Variants in AMZ1 observed in about 807,000 individuals in gnomAD.
AMZ1 encodes the protein archaemetzincin-1.
A neutral mutation model predicts 29.9 loss-of-function variants in AMZ1; 39 were observed. The ratio of observed to expected loss-of-function variants is 1.30; its 90% CI spans 1.01 to 1.70. The LOEUF is 1.70. Among genes scored for constraint, AMZ1 ranks in the 40% most tolerant of loss-of-function variants. The probability of loss-of-function intolerance (pLI) is 0.00; values close to 1 mark genes in which losing one functional copy is unlikely to be tolerated. For synonymous variants in AMZ1, 458 were observed against 304.0 expected (o/e 1.51, Z -5.27); for missense variants, 1,041 against 680.6 (o/e 1.53, Z -5.89).
chr7:2,739,817 G>A (rs570829619), intron 4 of AMZ1, among the ~76,000 whole-genome samples: 60 of 152,222 alleles, frequency 3.9e-4, no homozygotes, highest in Admixed American at 7.2e-4. Context: ...GATTACAGGC[G>A]TGCGCCACCA....
chr7:2,690,590 C>G (rs1459861173), intron 1 of AMZ1, among the ~76,000 whole-genome samples: 3 of 152,124 alleles, frequency 2.0e-5, no homozygotes, highest in Non-Finnish European at 4.4e-5. Flanking sequence ...GGTGTTGTGT[C>G]TCTGGCTGGG....
intron 6 of AMZ1, among the ~76,000 whole-genome samples, chr7:2,711,754 C>T (rs180941237): frequency 2.0e-4 from 31 of 152,134 alleles, no homozygotes; most frequent in African/African-American, 6.7e-4. Context: ...TTTAATTATA[C>T]GCTTTCTGGG....
At chr7:2,708,793 C>G in intron 4 of AMZ1, 77 bp downstream of exon 4, 2 of 1,599,120 alleles carry the variant, frequency 1.3e-6, no homozygotes, top group Non-Finnish European at 1.7e-6. Flanking sequence ...GCAGGGCACC[C>G]TCTTTGCTTT....
chr7:2,752,493 G>A (rs567791621), intron 4 of AMZ1, among the ~76,000 whole-genome samples: 2 of 152,116 alleles, frequency 1.3e-5, no homozygotes, highest in Non-Finnish European at 2.9e-5. Context: ...CACAGGGACT[G>A]GAAAGCAAGA....
At chr7:2,722,724 C>A (rs1040378199), downstream of AMZ1, among the ~76,000 whole-genome samples, 1 of 152,202 alleles carries the variant, frequency 6.6e-6, no homozygotes, top group African/African-American at 2.4e-5. Context: ...GTAATCCCAG[C>A]ACTTCAGGAA....
In AMZ1 at chr7:2,709,063, ATCTC is replaced by A; in HGVS notation, c.602-7_602-4del. 3 of 1,564,360 alleles carry A rather than the reference ATCTC, an allele frequency of 1.9e-6. No individual in the cohort carries two copies. Among genetic ancestry groups the A allele is most frequent in the South Asian group, 1.2e-5 (1 of 83,628 alleles). On this transcript the variant is annotated splice_region_variant and splice_polypyrimidine_tract_variant and intron_variant, in intron 4 of 6. Coordinates refer to ENST00000683327, the MANE Select transcript of AMZ1 (RefSeq NM_001384743.1). The stretch of plus-strand genomic sequence containing the variant: ...GACCCCTGAGAGTGCCCTTCTCTCC[ATCTC>A]TCTCCAGAAGTGGGCGTCTGCAGCT...
intron 5 of AMZ1, 113 bp downstream of exon 5, chr7:2,709,357 A>G: frequency 1.7e-6 from 2 of 1,182,554 alleles, no homozygotes; most frequent in Non-Finnish European, 2.3e-6. Context: ...TGGACCCCTA[A>G]CTCTATGGAA....
At chr7:2,680,590 C>A (rs895416704) in intron 1 of AMZ1, among the ~76,000 whole-genome samples, 1 of 152,226 alleles carries the variant, frequency 6.6e-6, no homozygotes, top group Non-Finnish European at 1.5e-5. Context: ...CTCATTTTCA[C>A]CCCCGACCCC....
At position 2,731,781 on chromosome 7, in the gene AMZ1, G is replaced by C. The variant is rs1302754329; in HGVS notation, n.550+21965G>C. On this transcript the variant is annotated intron_variant and non_coding_transcript_variant, in intron 4 of 4. Coordinates refer to the AMZ1 transcript ENST00000489665. The surrounding 1 kb of genome is among the most constrained non-coding windows in gnomAD (Gnocchi z 6.0). ...AAATACAGGATGAGGCAGAAATTTA[G>C]GGGGAGGAAGAAAGAACAGAGAAAA... 1 of 1,138,496 alleles carries C rather than the reference G, an allele frequency of 8.8e-7. No homozygotes were observed. The allele number at this position is 1,138,496 out of a possible 1,614,324, so 70.5% of individuals were successfully genotyped here. A position where few individuals can be genotyped will look rare whatever the true frequency, so the allele number is the denominator to read the frequency against.
chr7:2,724,033 G>A (rs1789527400), downstream of AMZ1, among the ~76,000 whole-genome samples: 1 of 150,724 alleles, frequency 6.6e-6, no homozygotes, highest in Non-Finnish European at 1.5e-5. Flanking sequence ...AGCCTCCCGA[G>A]TAGCTGAGAT....
intron 1 of AMZ1, among the ~76,000 whole-genome samples, chr7:2,688,705 G>A (rs1347925101): frequency 1.3e-5 from 2 of 152,182 alleles, no homozygotes; most frequent in African/African-American, 4.8e-5. Context: ...GGTGCGGGAC[G>A]TCCCCGGGGA....
Position 2,717,408 on chromosome 7 carries a change from C to G in AMZ1, c.*4530C>G, listed in dbSNP as rs1015411208. On this transcript the variant is annotated 3_prime_UTR_variant, in exon 7 of 7. Transcript: ENST00000683327. ...AGCTCCAGTAAGAGTGAGAGACTCA[C>G]GGGGGCCTGGCTGCCGTCCTGGGAG... Among the ~76,000 whole-genome samples the G allele has an allele frequency of 6.6e-6, 1 of 152,198 alleles. No homozygotes were observed. Among genetic ancestry groups the G allele is most frequent in the Non-Finnish European group, 1.5e-5 (1 of 68,044 alleles).
chr7:2,708,654 T>G lies in AMZ1; in HGVS notation c.539T>G (p.Leu180Arg), dbSNP rs1435255828. The G allele has an allele frequency of 1.2e-6, 2 of 1,613,136 alleles. No homozygotes were observed. Among genetic ancestry groups the G allele is most frequent in the Non-Finnish European group, 1.7e-6 (2 of 1,180,006 alleles). ...GCGCTGTGTGTGCTGGGCCTCACAC[T>G]GTCTGACCTGTACCCCCATGAGGCC... ...GDALCVLGLT[L>R]SDLYPHEAWS... The change falls in exon 4 of 7, where the codon CTG becomes CGG. Residue 180 changes from leucine to arginine, a missense_variant. Coordinates refer to ENST00000683327, the MANE Select transcript of AMZ1 (RefSeq NM_001384743.1).
At chr7:2,740,092 C>G (rs2115323252) in intron 4 of AMZ1, among the ~76,000 whole-genome samples, 1 of 152,314 alleles carries the variant, frequency 6.6e-6, no homozygotes, top group East Asian at 1.9e-4. Context: ...CACATCCTTG[C>G]CAACACTTGC....
chr7:2,693,481 G>A (rs888105373), intron 1 of AMZ1, among the ~76,000 whole-genome samples: 8 of 152,096 alleles, frequency 5.3e-5, no homozygotes, highest in African/African-American at 1.9e-4. Flanking sequence ...CTGGGCTGGA[G>A]ACTTCCTCCG....
chr7:2,696,553 G>A (rs1271746749), intron 1 of AMZ1, among the ~76,000 whole-genome samples: 1 of 151,206 alleles, frequency 6.6e-6, no homozygotes, highest in East Asian at 2.0e-4. Context: ...CACCGCACCT[G>A]GCCAATAGTC....
chr7:2,711,031 G>A (rs1406076487), intron 6 of AMZ1, among the ~76,000 whole-genome samples: 1 of 152,166 alleles, frequency 6.6e-6, no homozygotes, highest in Non-Finnish European at 1.5e-5. Context: ...CTTTTAGAAA[G>A]TGTATGCCCC....
upstream of AMZ1, among the ~76,000 whole-genome samples, chr7:2,761,157 C>T (rs1057426125): frequency 2.0e-5 from 3 of 152,196 alleles, no homozygotes; most frequent in Non-Finnish European, 4.4e-5. Flanking sequence ...GAGACAACCA[C>T]GGCCGCCTCA....
At chr7:2,701,650 G>C (rs1222916720) in intron 2 of AMZ1, among the ~76,000 whole-genome samples, 2 of 152,236 alleles carry the variant, frequency 1.3e-5, no homozygotes, top group African/African-American at 4.8e-5. Context: ...ACACGGGACG[G>C]GGGCCCTTGG....
Sources: gnomAD v4.1 joint callset for allele counts (sites outside exome capture counted in the v4.1 genomes callset) on GRCh38, gnomAD v4.1.1 for gene constraint, Gnocchi (gnomAD v3.1) non-coding constraint, MANE v1.5 for transcripts, NCBI Gene and HGNC (gene_info 2026-07-23, HGNC 2026-07-21) for gene names.